The following PRR12 variants were observed in gnomAD, a reference collection of about 807,000 sequenced individuals.
The protein encoded by PRR12 is proline rich 12, also known as proline-rich protein 12.
PRR12 carries 12 observed loss-of-function variants against 138.0 expected under a neutral mutation model. The observed-to-expected ratio is 0.09, with a 90% CI of 0.06 to 0.14. The LOEUF is 0.14. Ranked by LOEUF, PRR12 falls within the 10% of genes least tolerant of loss-of-function variation. The pLI is 1.00. For synonymous variants in PRR12, 1,567 were observed against 1,291.7 expected, an observed-to-expected ratio of 1.21 and a Z score of -4.57; for missense variants, 2,692 against 2,861.3, an observed-to-expected ratio of 0.94 and a Z score of 1.35.
chr19:49,599,600 C>T lies in PRR12; in HGVS notation c.4007C>T (p.Pro1336Leu), dbSNP rs1156601836. The T allele has an allele frequency of 2.5e-6, 4 of 1,598,862 alleles. No individual in the cohort carries two copies. Among genetic ancestry groups the T allele is most frequent in the Admixed American group, 1.7e-5 (1 of 57,896 alleles). ...PPATPAVPHP[P>L]PSGAFGLGGA... ...GCCACCCCTGCTGTGCCACATCCCC[C>T]ACCTTCCGGAGCCTTTGGGCTTGGG... Residue 1336 changes from proline to leucine, a missense_variant, in exon 5 of 14, where the codon CCA becomes CTA. Around this residue, in one of 11 missense-constraint regions of PRR12, gnomAD observed 326 missense variants for 344.2 expected, o/e 0.95. Transcript: ENST00000418929. This position sits in a 1 kb window ranked among gnomAD's most constrained non-coding sequence, Gnocchi z 5.0.
At chr19:49,623,631 TA>T (rs76408039) in intron 11 of PRR12, among the ~76,000 whole-genome samples, 4,125 of 133,508 alleles carry the variant, frequency 0.031, 52 homozygotes, top group Non-Finnish European at 0.038. Context: ...GACTTTGTCT[TA>T]AAAAAAAAAA....
rs747653100 is a variant in PRR12 at position 49,594,648 on chromosome 19, T to G, written c.361+33T>G. On this transcript the variant is annotated intron_variant, in intron 3 of 13. Transcript: ENST00000418929. This position sits in a 1 kb window ranked among gnomAD's most constrained non-coding sequence, Gnocchi z 5.6. ...CAGCGCCGGCCCTGCAGGGCCAGGG[T>G]GGGACTGGCTCGCTGTTCTCTCTGA... 17 of 1,610,886 alleles carry G rather than the reference T, an allele frequency of 1.1e-5. No individual in the cohort carries two copies. In the East Asian group the frequency reaches 3.3e-4, roughly 32 times the overall value.
chr19:49,615,525 AC>A (rs2080887341), intron 8 of PRR12, among the ~76,000 whole-genome samples: 1 of 57,284 alleles, frequency 1.7e-5, no homozygotes, highest in East Asian at 4.2e-4. Context: ...GGGGTCAGAG[AC>A]CCAGAGAGGG....
chr19:49,602,765 TG>T (rs1288420719), intron 6 of PRR12, among the ~76,000 whole-genome samples: 1 of 152,208 alleles, frequency 6.6e-6, no homozygotes, highest in Admixed American at 6.5e-5. Flanking sequence ...TTGGCCAGGC[TG>T]GTCTCGAACT....
chr19:49,615,597 T>TCCCAGAGAGGGAGGGGATCAGAGA (rs1568430055), intron 8 of PRR12, 150 bp from the exon 9 acceptor site: 1 of 564,082 alleles, frequency 1.8e-6, no homozygotes. Flanking sequence ...GGGGTCAGAG[T>TCCCAGAGAGGGAGGGGATCAGAGA]CCCAGAGAGG....
rs2080785897 is a variant in PRR12 at position 49,597,924 on chromosome 19, G to A, written c.3589G>A (p.Ala1197Thr). ...PASASTPTDG[A>T]KKPRGRGRGR... ...CTCGGCCTCCACGCCCACCGATGGCGCCAAGAAACCCCGGGGCCGGGGCCG... is the reference window on the plus strand; with the variant it reads ...CTCGGCCTCCACGCCCACCGATGGCACCAAGAAACCCCGGGGCCGGGGCCG... The change falls in exon 4 of 14, where the codon GCC (alanine) becomes ACC (threonine). Residue 1197 changes from alanine to threonine, a missense_variant. Physicochemically the swap from Ala to Thr is moderately conservative, Grantham distance 58. Around this residue, in one of 11 missense-constraint regions of PRR12, gnomAD observed 326 missense variants for 344.2 expected, o/e 0.95. Transcript: ENST00000418929. The surrounding 1 kb of genome is among the most constrained non-coding windows in gnomAD (Gnocchi z 6.3). The A allele has an allele frequency of 5.0e-6, 7 of 1,405,850 alleles. No individual in the cohort carries two copies. The highest frequency in any genetic ancestry group is 5.5e-6 in the Non-Finnish European group (6 of 1,084,088). The allele number at this position is 1,405,850 out of a possible 1,614,324, so 87.1% of individuals were successfully genotyped here. A position where few individuals can be genotyped will look rare whatever the true frequency, so the allele number is the denominator to read the frequency against.
chr19:49,611,042 A>G (rs2080863381), intron 6 of PRR12, among the ~76,000 whole-genome samples: 1 of 151,424 alleles, frequency 6.6e-6, no homozygotes, highest in East Asian at 2.0e-4. Context: ...GGGTTTCACC[A>G]TGTTGGCCAA....
chr19:49,592,038 G>C (rs1284284624), intron 1 of PRR12, among the ~76,000 whole-genome samples: 1 of 152,172 alleles, frequency 6.6e-6, no homozygotes, highest in Non-Finnish European at 1.5e-5. Flanking sequence ...GCAAGGCCTG[G>C]ACTTCCCCCC....
intron 6 of PRR12, among the ~76,000 whole-genome samples, chr19:49,605,623 C>G (rs139476067): frequency 1.3e-5 from 2 of 152,380 alleles, no homozygotes; most frequent in African/African-American, 4.8e-5. Flanking sequence ...TCAAACGCAG[C>G]TGAGCCAGCA....
rs61466559 is a variant in PRR12 at position 49,622,908 on chromosome 19, C to CATAT, written c.5721+1304_5721+1307dup. On this transcript the variant is annotated intron_variant, in intron 11 of 13. Coordinates refer to ENST00000418929, the MANE Select transcript of PRR12 (RefSeq NM_020719.3). ...CTCTGTCTCAAAAAAAAAACAAAAACATATATATATATATATATATAGAGA... is the reference window on the plus strand; with the variant it reads ...CTCTGTCTCAAAAAAAAAACAAAAACATATATATATATATATATATATATAGAGA... Among the ~76,000 whole-genome samples, 940 of 96,958 alleles carry CATAT rather than the reference C, an allele frequency of 9.7e-3. 23 individuals are homozygous for CATAT. The highest frequency in any genetic ancestry group is 0.058 in the East Asian group (209 of 3,594). 63.6% of individuals were successfully genotyped at this position (96,958 alleles called of 152,430 possible).
intron 8 of PRR12, among the ~76,000 whole-genome samples, 157 bp from the exon 9 acceptor site, chr19:49,615,590 G>GGCAGAGTCCCAGAGAGGGAGGGGA (rs774907822): frequency 5.4e-5 from 6 of 110,348 alleles, no homozygotes; most frequent in African/African-American, 1.7e-4. Context: ...GAGGGAGGGG[G>GGCAGAGTCCCAGAGAGGGAGGGGA]TCAGAGTCCC....
rs1428409852 is a variant in PRR12 at position 49,601,727 on chromosome 19, G to C, written c.4582G>C (p.Glu1528Gln). The C allele has an allele frequency of 1.3e-6, 2 of 1,545,712 alleles. No individual in the cohort carries two copies. The highest frequency in any genetic ancestry group is 1.4e-5 in the African/African-American group (1 of 73,198). ...PAAAPLAAPP[E>Q]EPAAPSPEDP... ...CGCTGCCCCACTGGCTGCTCCTCCTGAGGAGCCCGCCGCCCCGTCTCCCGA... is the reference window on the plus strand; with the variant it reads ...CGCTGCCCCACTGGCTGCTCCTCCTCAGGAGCCCGCCGCCCCGTCTCCCGA... Residue 1528 changes from glutamate (E) to glutamine (Q), a missense_variant, in exon 6 of 14, where the codon GAG becomes CAG. Glu to Gln is a conservative substitution (Grantham distance 29, BLOSUM62 2). This residue lies in a region of PRR12 where 231 missense variants were observed against 200.8 expected (regional missense o/e 1.15). Transcript: ENST00000418929.
chr19:49,597,917 C>T lies in PRR12; in HGVS notation c.3582C>T (p.Thr1194=), dbSNP rs370995191. 8 of 1,404,704 alleles carry T rather than the reference C, an allele frequency of 5.7e-6. No homozygotes were observed. Among genetic ancestry groups the T allele is most frequent in the Admixed American group, 3.3e-5 (1 of 30,074 alleles). The allele number at this position is 1,404,704 out of a possible 1,614,324, so 87.0% of individuals were successfully genotyped here. The change falls in exon 4 of 14, where the codon ACC becomes ACT. Residue 1194 remains threonine (T), a synonymous_variant. Transcript: ENST00000418929. This position sits in a 1 kb window ranked among gnomAD's most constrained non-coding sequence, Gnocchi z 6.3. The stretch of plus-strand genomic sequence containing the variant: ...GGCCCGCCTCGGCCTCCACGCCCAC[C>T]GATGGCGCCAAGAAACCCCGGGGCC... The part of the protein sequence containing the change: ...TAGPASASTP[T]DGAKKPRGRG...
At chr19:49,617,766 G>A (rs1452434808) in intron 9 of PRR12, among the ~76,000 whole-genome samples, 2 of 152,120 alleles carry the variant, frequency 1.3e-5, no homozygotes, top group Admixed American at 6.6e-5. Flanking sequence ...TGAGGAAGGC[G>A]GAATTGTCTT....
chr19:49,597,182 C>A lies in PRR12; in HGVS notation c.2847C>A (p.Thr949=), dbSNP rs1187816188. ...LQDEERSFFP[T]MEEMFGGGAA... Reference sequence around the variant, plus strand: ...ACGAGGAGCGCAGCTTCTTCCCCACCATGGAGGAGATGTTCGGTGGAGGGG... The same window carrying A: ...ACGAGGAGCGCAGCTTCTTCCCCACAATGGAGGAGATGTTCGGTGGAGGGG... Residue 949 remains threonine (T), a synonymous_variant, in exon 4 of 14, where the codon ACC becomes ACA. Transcript: ENST00000418929. This position sits in a 1 kb window ranked among gnomAD's most constrained non-coding sequence, Gnocchi z 6.3. 3.9e-6 allele frequency: 6 copies of A among 1,554,856 alleles called. No homozygotes were observed. The Admixed American group carries it at 1.2e-4, about 30-fold the overall frequency.
intron 2 of PRR12, 32 bp downstream of exon 2, chr19:49,593,471 G>A: frequency 9.8e-7 from 1 of 1,024,066 alleles, no homozygotes; most frequent in Non-Finnish European, 1.5e-6. Flanking sequence ...GCTTTGGGCT[G>A]GCCCTCCCCC....
rs752378177 is a variant in PRR12, at chr19:49,594,782, G to T, written c.447G>T (p.Ser149=). ...CCTTTCCGTCCTCATCTGCCCTGTC[G>T]GCTTACCAACACCCGGCTTCCTTCG... ...SSTFPSSSAL[S]AYQHPASFGS... is the part of the protein sequence containing the mutation. Residue 149 remains serine, a synonymous_variant, in exon 4 of 14, where the codon TCG becomes TCT. Coordinates refer to ENST00000418929, the MANE Select transcript of PRR12 (RefSeq NM_020719.3). The surrounding 1 kb of genome is among the most constrained non-coding windows in gnomAD (Gnocchi z 5.6). 2.5e-6 allele frequency: 4 copies of T among 1,613,184 alleles called. No individual in the cohort carries two copies. In the Admixed American group the frequency reaches 6.7e-5, roughly 27 times the overall value.
At chr19:49,592,790 C>T (rs1396231915) in intron 1 of PRR12, among the ~76,000 whole-genome samples, 1 of 152,140 alleles carries the variant, frequency 6.6e-6, no homozygotes, top group Non-Finnish European at 1.5e-5. Context: ...AGGTCTTATT[C>T]CCTCTTCTCT....
chr19:49,602,426 C>A (rs977188789), intron 6 of PRR12, among the ~76,000 whole-genome samples: 2 of 152,182 alleles, frequency 1.3e-5, no homozygotes, highest in Admixed American at 6.5e-5. Flanking sequence ...GGGCCGGACG[C>A]GGCAGCTTAC....
Sources: gnomAD v4.1 joint callset for allele counts (sites outside exome capture counted in the v4.1 genomes callset) on GRCh38, gnomAD v4.1.1 for gene constraint, gnomAD v4.1.1 regional missense constraint, Gnocchi (gnomAD v3.1) non-coding constraint, MANE v1.5 for transcripts, NCBI Gene and HGNC (gene_info 2026-07-23, HGNC 2026-07-21) for gene names.